Variants in CCDC30 observed in about 807,000 individuals in gnomAD.
CCDC30 encodes the protein coiled-coil domain-containing protein 30.
In CCDC30, 70 loss-of-function variants were observed where a neutral mutation model predicts 100.2. That is an observed-to-expected ratio of 0.70 (90% confidence interval 0.58 to 0.85). The LOEUF (loss-of-function observed/expected upper bound fraction) is 0.85. Among genes scored for constraint, CCDC30 ranks in the 40% least tolerant of loss-of-function variants. The probability of loss-of-function intolerance (pLI) is 0.00; values close to 1 mark genes in which losing one functional copy is unlikely to be tolerated. For missense variants in CCDC30, 652 were observed against 771.2 expected (o/e 0.85, Z 1.83); for synonymous variants, 233 against 269.5 (o/e 0.86, Z 1.33).
chr1:42,539,220 T>TC, intron 6 of CCDC30: 1 of 1,609,460 alleles, frequency 6.2e-7, no homozygotes, highest in Non-Finnish European at 8.5e-7. Context: ...ATAATGAAGT[T>TC]CACAATCTTC....
At chr1:42,574,299 G>T (rs758764112) in intron 7 of CCDC30, among the ~76,000 whole-genome samples, 2 of 151,868 alleles carry the variant, frequency 1.3e-5, no homozygotes, top group East Asian at 3.8e-4. Context: ...GTTATGAGAA[G>T]TCAAGTTCTT....
chr1:42,456,592 G>T, the CCDC30 span: 1 of 1,504,086 alleles, frequency 6.6e-7, no homozygotes. Context: ...CGGTAGCCGA[G>T]TTCCCCCAGC....
At chr1:42,602,357 CTT>C (rs1291012778) in intron 10 of CCDC30, among the ~76,000 whole-genome samples, 1 of 151,800 alleles carries the variant, frequency 6.6e-6, no homozygotes, top group Non-Finnish European at 1.5e-5. Flanking sequence ...AAAACTGGCT[CTT>C]TGAAAAGATT....
intron 4 of CCDC30, among the ~76,000 whole-genome samples, chr1:42,494,002 T>A (rs1644188339): frequency 6.6e-6 from 1 of 152,066 alleles, no homozygotes; most frequent in Non-Finnish European, 1.5e-5. Context: ...TCACTTGAAG[T>A]CAAGAGTTCA....
chr1:42,538,249 G>C (rs1301817940), intron 6 of CCDC30, among the ~76,000 whole-genome samples: 1 of 150,274 alleles, frequency 6.7e-6, no homozygotes, highest in East Asian at 2.0e-4. Flanking sequence ...AGGATCACTT[G>C]AGCCCAGGAG....
At chr1:42,624,945 G>C (rs551330856) in intron 11 of CCDC30, among the ~76,000 whole-genome samples, 1 of 152,182 alleles carries the variant, frequency 6.6e-6, no homozygotes, top group Non-Finnish European at 1.5e-5. Context: ...TTTCAAAATA[G>C]TTTGAGTAGG....
rs139141150 is a variant in CCDC30, at chr1:42,466,992, C to T, written c.-92+3094C>T. Among the ~76,000 whole-genome samples the T allele has an allele frequency of 3.9e-3, 588 of 152,170 alleles. 1 individual carries two copies. Among genetic ancestry groups the T allele is most frequent in the African/African-American group, 0.012 (517 of 41,498 alleles). Reference sequence around the variant, plus strand: ...GTTAATCATCAGGTCTCAATAAATCCACTGGGAAAATGTTTGTTTGGGGAT... The same window carrying T: ...GTTAATCATCAGGTCTCAATAAATCTACTGGGAAAATGTTTGTTTGGGGAT... On this transcript the variant is annotated intron_variant, in intron 1 of 16. Transcript: ENST00000668663.
intron 6 of CCDC30, among the ~76,000 whole-genome samples, chr1:42,524,723 T>C (rs968312430): frequency 6.6e-6 from 1 of 152,222 alleles, no homozygotes; most frequent in Non-Finnish European, 1.5e-5. Flanking sequence ...AGATGGCTGC[T>C]GCAGGGCTAA....
At position 42,556,211 on chromosome 1, in the gene CCDC30, G is replaced by A. The variant is rs765470083; in HGVS notation, c.457-10085G>A. 33 of 1,613,948 alleles carry A rather than the reference G, an allele frequency of 2.0e-5. No individual in the cohort carries two copies. In the Admixed American group the frequency reaches 3.3e-4, roughly 16 times the overall value. On this transcript the variant is annotated intron_variant, in intron 6 of 16. Coordinates refer to ENST00000668663, the Ensembl canonical transcript of CCDC30. ...AATTCCAGAGGAGTCAGTAAAGGAG[G>A]GCAGTTTTCCAAGAGAGGGGCAGAA...
intron 4 of CCDC30, among the ~76,000 whole-genome samples, chr1:42,491,345 C>T (rs188780827): frequency 7.6e-4 from 116 of 152,064 alleles, no homozygotes; most frequent in South Asian, 2.7e-3. Flanking sequence ...AGAAATAAGC[C>T]AGGCACAGAA....
At chr1:42,520,266 TTCTGTA>T (rs74436496) in intron 6 of CCDC30, among the ~76,000 whole-genome samples, 33,767 of 151,782 alleles carry the variant, frequency 0.22, 4,779 homozygotes, top group Non-Finnish European at 0.31. Flanking sequence ...ACTTTGCTTT[TTCTGTA>T]TCTGTAAGTT....
upstream of CCDC30, chr1:42,459,961 G>A (rs1238601230): frequency 6.5e-7 from 1 of 1,547,446 alleles, no homozygotes; most frequent in Non-Finnish European, 8.7e-7. Flanking sequence ...AAATTGTTCA[G>A]GGCTCTTAGA....
intron 10 of CCDC30, among the ~76,000 whole-genome samples, chr1:42,601,153 C>T (rs959449077): frequency 2.6e-5 from 4 of 152,000 alleles, no homozygotes. Context: ...CTTGTAAACA[C>T]AAAAGTCAAA....
At chr1:42,624,912 G>A (rs1225608559) in intron 11 of CCDC30, among the ~76,000 whole-genome samples, 1 of 152,180 alleles carries the variant, frequency 6.6e-6, no homozygotes, top group Non-Finnish European at 1.5e-5. Flanking sequence ...AATGAGTTTG[G>A]AAAGATTTCC....
chr1:42,504,160 C>G (rs909650943), intron 6 of CCDC30, among the ~76,000 whole-genome samples: 2 of 152,222 alleles, frequency 1.3e-5, no homozygotes, highest in Non-Finnish European at 2.9e-5. Flanking sequence ...AGGCACAGAT[C>G]GCTCATGCTA....
intron 11 of CCDC30, among the ~76,000 whole-genome samples, chr1:42,629,056 A>G (rs1646984678): frequency 6.6e-6 from 1 of 152,222 alleles, no homozygotes; most frequent in Non-Finnish European, 1.5e-5. Flanking sequence ...ACTTAAGAGT[A>G]GTTTACACAC....
intron 1 of CCDC30, among the ~76,000 whole-genome samples, chr1:42,471,703 T>G (rs1221272743): frequency 6.6e-6 from 1 of 151,806 alleles, no homozygotes; most frequent in Non-Finnish European, 1.5e-5. Flanking sequence ...CAGAAGAAAA[T>G]TTTTAGTTAT....
chr1:42,617,729 T>C (rs1329033482), intron 11 of CCDC30, among the ~76,000 whole-genome samples: 1 of 152,166 alleles, frequency 6.6e-6, no homozygotes, highest in East Asian at 1.9e-4. Context: ...AGCCAGTTTA[T>C]CTATCTAGGT....
At chr1:42,543,776 G>A (rs999792116) in intron 6 of CCDC30, among the ~76,000 whole-genome samples, 2 of 152,156 alleles carry the variant, frequency 1.3e-5, no homozygotes. Context: ...AAAGGTTATA[G>A]TCCATATGAG....
Sources: allele counts gnomAD v4.1 joint callset (sites outside exome capture counted in the v4.1 genomes callset), GRCh38; gene constraint gnomAD v4.1.1; transcripts MANE v1.5; gene names NCBI Gene and HGNC (gene_info 2026-07-23, HGNC 2026-07-21).